DNER: variants seen among roughly 807,000 people sequenced by gnomAD.
The protein encoded by DNER is delta/notch like EGF repeat containing, also known as delta and Notch-like epidermal growth factor-related receptor.
Under a neutral mutation model 78.2 loss-of-function variants are expected in DNER, and 33 were observed. The ratio of observed to expected loss-of-function variants is 0.42; its 90% confidence interval spans 0.32 to 0.56. The LOEUF (loss-of-function observed/expected upper bound fraction) is 0.56. DNER is among the 20% of genes least tolerant of loss of function. The probability of loss-of-function intolerance (pLI) is 0.11; values close to 1 mark genes in which losing one functional copy is unlikely to be tolerated. For missense variants in DNER, 918 were observed against 975.3 expected, an observed-to-expected ratio of 0.94 and a Z score of 0.78; for synonymous variants, 417 against 384.8, an observed-to-expected ratio of 1.08 and a Z score of -0.98.
chr2:229,489,624 G>A (rs1224110044), intron 6 of DNER, among the ~76,000 whole-genome samples: 2 of 151,962 alleles, frequency 1.3e-5, no homozygotes, highest in Non-Finnish European at 2.9e-5. Context: ...TGAAAGGCTG[G>A]GCTAGAAGGG....
chr2:229,515,988 C>T (rs1050051742), intron 5 of DNER, among the ~76,000 whole-genome samples: 4 of 152,162 alleles, frequency 2.6e-5, no homozygotes, highest in Non-Finnish European at 4.4e-5. Context: ...CAGAAGCCAT[C>T]CATTTTGTTT....
intron 1 of DNER, among the ~76,000 whole-genome samples, chr2:229,673,119 C>G (rs1699238174): frequency 6.6e-6 from 1 of 152,194 alleles, no homozygotes; most frequent in Non-Finnish European, 1.5e-5. Context: ...TTTGTGCTAC[C>G]TTAAGTCTGG....
chr2:229,399,766 A>G (rs1331107348), intron 10 of DNER, among the ~76,000 whole-genome samples: 1 of 152,064 alleles, frequency 6.6e-6, no homozygotes, highest in Admixed American at 6.6e-5. Context: ...AAAGCAATTC[A>G]ATGAAGAAAA....
chr2:229,625,877 T>C lies in DNER; in HGVS notation c.277-33989A>G, dbSNP rs377242322. Among the ~76,000 whole-genome samples, 798 of 148,714 alleles carry C rather than the reference T, an allele frequency of 5.4e-3. 10 individuals are homozygous for C. The highest frequency in any genetic ancestry group is 0.018 in the African/African-American group (722 of 39,498). On this transcript the variant is annotated intron_variant, in intron 1 of 12. Coordinates refer to ENST00000341772, the MANE Select transcript of DNER (RefSeq NM_139072.4). ...GAAAGGCCAGAAGGACTGTCTACTATGCAACTTTGTTTTTGTTGTTTTTGT... is the reference window on the plus strand; with the variant it reads ...GAAAGGCCAGAAGGACTGTCTACTACGCAACTTTGTTTTTGTTGTTTTTGT...
At chr2:229,524,544 G>A (rs1696164083) in intron 5 of DNER, among the ~76,000 whole-genome samples, 1 of 152,182 alleles carries the variant, frequency 6.6e-6, no homozygotes, top group Non-Finnish European at 1.5e-5. Context: ...GCATGAGTGA[G>A]GCAATGAAAT....
intron 6 of DNER, among the ~76,000 whole-genome samples, chr2:229,508,066 A>C (rs1695780675): frequency 6.6e-6 from 1 of 152,124 alleles, no homozygotes; most frequent in South Asian, 2.1e-4. Context: ...TAAACATATG[A>C]AGAGGAGTTC....
chr2:229,464,996 G>A (rs1694775160), intron 7 of DNER, among the ~76,000 whole-genome samples: 1 of 152,116 alleles, frequency 6.6e-6, no homozygotes, highest in Non-Finnish European at 1.5e-5. Context: ...AAGAAATGAG[G>A]TTGGAAATTG....
intron 1 of DNER, among the ~76,000 whole-genome samples, chr2:229,675,809 G>T (rs377583833): frequency 2.0e-5 from 3 of 152,156 alleles, no homozygotes; most frequent in African/African-American, 7.2e-5. Context: ...AGTTCCCAAG[G>T]CTCGTGCTCA....
At chr2:229,554,384 C>A (rs1436530865) in intron 4 of DNER, among the ~76,000 whole-genome samples, 3 of 152,058 alleles carry the variant, frequency 2.0e-5, no homozygotes, top group Admixed American at 2.0e-4. Flanking sequence ...ATAGTGAAAC[C>A]TCGTCCCTAC....
At chr2:229,657,766 T>C (rs185987276) in intron 1 of DNER, among the ~76,000 whole-genome samples, 207 of 152,294 alleles carry the variant, frequency 1.4e-3, no homozygotes, top group African/African-American at 4.9e-3. Context: ...AGAGCTAAAA[T>C]ACCTGCCGGG....
At chr2:229,379,267 G>A (rs1365305153) in intron 11 of DNER, among the ~76,000 whole-genome samples, 1 of 152,140 alleles carries the variant, frequency 6.6e-6, no homozygotes, top group Non-Finnish European at 1.5e-5. Context: ...AGATCAACCA[G>A]TATTTATTTA....
At chr2:229,520,214 C>G (rs1315247310) in intron 5 of DNER, among the ~76,000 whole-genome samples, 2 of 152,154 alleles carry the variant, frequency 1.3e-5, no homozygotes, top group African/African-American at 4.8e-5. Flanking sequence ...GGATCTTCTC[C>G]TCCTTCTTCC....
chr2:229,521,611 C>A (rs1224090185), intron 5 of DNER, among the ~76,000 whole-genome samples: 1 of 152,200 alleles, frequency 6.6e-6, no homozygotes, highest in Admixed American at 6.5e-5. Flanking sequence ...AGTTCAGCAT[C>A]CCCTTTTAGC....
rs747496386 is a variant in DNER at position 229,358,695 on chromosome 2, C to G, written c.2103-44G>C. ...GACTCTGGTTAGATAAATACTAGAT[C>G]TCAAGTTTAATTAAAGCAAGTGATG... On this transcript the variant is annotated intron_variant, in intron 12 of 12. Transcript: ENST00000341772. The G allele has an allele frequency of 3.3e-6, 5 of 1,525,252 alleles. No individual in the cohort carries two copies. In the Middle Eastern group the frequency reaches 5.2e-4, roughly 157 times the overall value. 94.5% of individuals were successfully genotyped at this position (1,525,252 alleles called of 1,614,324 possible).
intron 6 of DNER, among the ~76,000 whole-genome samples, chr2:229,478,805 A>T (rs78961607): frequency 0.13 from 18,858 of 150,256 alleles, 1,291 homozygotes; most frequent in South Asian, 0.2. Context: ...ATTTTTTTTT[A>T]ACTTCAACTT....
intron 11 of DNER, among the ~76,000 whole-genome samples, chr2:229,367,619 G>T (rs1282855330): frequency 6.6e-6 from 1 of 151,768 alleles, no homozygotes; most frequent in Non-Finnish European, 1.5e-5. Flanking sequence ...AGAAAAACCA[G>T]AAATATGCCA....
rs1162899815 is a variant in DNER at position 229,515,639 on chromosome 2, A to ATTTTTTTTT, written c.994-2704_994-2703insAAAAAAAAA. ...AATCAAATATCTTCAAGTTAGCTTT[A>ATTTTTTTTT]TTTTTTTATTTTTTTTTTTTTGAGA... On this transcript the variant is annotated intron_variant, in intron 5 of 12. Coordinates refer to ENST00000341772, the MANE Select transcript of DNER (RefSeq NM_139072.4). Among the ~76,000 whole-genome samples the ATTTTTTTTT allele has an allele frequency of 2.8e-5, 2 of 71,538 alleles. 1 individual carries two copies. The allele number at this position is 71,538 out of a possible 152,430, so 46.9% of individuals were successfully genotyped here.
At chr2:229,564,691 C>T (rs1490385539) in intron 4 of DNER, among the ~76,000 whole-genome samples, 1 of 151,426 alleles carries the variant, frequency 6.6e-6, no homozygotes, top group Non-Finnish European at 1.5e-5. Flanking sequence ...TCATCCTCAC[C>T]CCATCACCAT....
intron 5 of DNER, among the ~76,000 whole-genome samples, chr2:229,536,142 A>G (rs969965989): frequency 6.6e-6 from 1 of 152,232 alleles, no homozygotes; most frequent in African/African-American, 2.4e-5. Context: ...AAAATCTGAA[A>G]GAAGTACCAA....
Sources: allele counts gnomAD v4.1 joint callset (sites outside exome capture counted in the v4.1 genomes callset), GRCh38; gene constraint gnomAD v4.1.1; transcripts MANE v1.5; gene names NCBI Gene and HGNC (gene_info 2026-07-23, HGNC 2026-07-21).